The following TMPRSS6 variants were observed in gnomAD, a reference collection of about 807,000 sequenced individuals.
TMPRSS6 encodes transmembrane serine protease 6, also known as transmembrane protease serine 6.
Under a neutral mutation model 101.5 loss-of-function variants are expected in TMPRSS6, and 67 were observed. That is an observed-to-expected ratio of 0.66 (90% CI 0.54 to 0.81). The LOEUF is 0.81. TMPRSS6 is among the 30% of genes least tolerant of loss of function. TMPRSS6 has a pLI of 0.00. For synonymous variants in TMPRSS6, 453 were observed against 464.9 expected, an observed-to-expected ratio of 0.97 and a Z score of 0.33; for missense variants, 1,034 against 1,088.7, an observed-to-expected ratio of 0.95 and a Z score of 0.71.
intron 8 of TMPRSS6, 125 bp from the exon 9 acceptor site, chr22:37,084,964 G>T (rs757457304): frequency 2.5e-5 from 18 of 733,868 alleles, no homozygotes; most frequent in Admixed American, 2.4e-4. Flanking sequence ...GAATGTGATT[G>T]TGTGAATCTG....
chr22:37,070,375 TCCA>T, intron 15 of TMPRSS6, 106 bp downstream of exon 15: 2 of 1,426,406 alleles, frequency 1.4e-6, no homozygotes, highest in Non-Finnish European at 2.0e-6. Context: ...GTCTGGGGGG[TCCA>T]CCACCCTTCC....
chr22:37,070,824 AG>A, intron 14 of TMPRSS6, 91 bp downstream of exon 14: 2 of 1,391,214 alleles, frequency 1.4e-6, no homozygotes, highest in Non-Finnish European at 2.0e-6. Flanking sequence ...GAGAGAGACC[AG>A]GGGACAACAG....
Position 37,103,201 on chromosome 22 carries a change from G to C in TMPRSS6, c.202+15C>G. ...CCTCCCCAGGTGCCTCTCCCAGGCGGTCCCACAACGTTACCTAGGAAATAC... is the reference window on the plus strand; with the variant it reads ...CCTCCCCAGGTGCCTCTCCCAGGCGCTCCCACAACGTTACCTAGGAAATAC... On this transcript the variant is annotated intron_variant, in intron 2 of 17. Transcript: ENST00000676104. This position sits in a 1 kb window ranked among gnomAD's most constrained non-coding sequence, Gnocchi z 4.4. 3 of 1,613,584 alleles carry C rather than the reference G, an allele frequency of 1.9e-6. No individual in the cohort carries two copies. The highest frequency in any genetic ancestry group is 1.1e-5 in the South Asian group (1 of 91,086).
chr22:37,106,199 G>T (rs745750206), intron 1 of TMPRSS6, among the ~76,000 whole-genome samples: 1 of 152,098 alleles, frequency 6.6e-6, no homozygotes, highest in African/African-American at 2.4e-5. Flanking sequence ...CACACAGCTG[G>T]TCAGCAGCAC....
intron 16 of TMPRSS6, among the ~76,000 whole-genome samples, chr22:37,068,851 C>T (rs978914392): frequency 6.6e-6 from 1 of 152,240 alleles, no homozygotes. Flanking sequence ...TAACGCCCTT[C>T]CAGAAGGAAG....
chr22:37,096,112 G>C (rs886137328), intron 4 of TMPRSS6, 22 bp from the exon 5 acceptor site: 2 of 1,613,838 alleles, frequency 1.2e-6, no homozygotes, highest in Non-Finnish European at 1.7e-6. Flanking sequence ...AGAAGTGAGA[G>C]AGGCCAGGGA....
intron 1 of TMPRSS6, among the ~76,000 whole-genome samples, chr22:37,106,368 G>A (rs1930714571): frequency 6.6e-6 from 1 of 152,058 alleles, no homozygotes; most frequent in South Asian, 2.1e-4. Context: ...CTCATGGTGG[G>A]GTGCTTGGTG....
At chr22:37,090,211 T>C (rs1929145318) in intron 6 of TMPRSS6, among the ~76,000 whole-genome samples, 1 of 152,116 alleles carries the variant, frequency 6.6e-6, no homozygotes, top group Admixed American at 6.5e-5. Context: ...TTGAGAAAAG[T>C]ACACACAGGG....
chr22:37,094,476 CAGAT>C (rs1380109887), intron 6 of TMPRSS6, among the ~76,000 whole-genome samples: 10 of 151,486 alleles, frequency 6.6e-5, no homozygotes, highest in South Asian at 4.2e-4. Flanking sequence ...GAGAGACAGA[CAGAT>C]AGATAATAGA....
chr22:37,086,314 G>A lies in TMPRSS6; in HGVS notation c.942C>T (p.Phe314=), dbSNP rs772323333. The A allele has an allele frequency of 4.3e-6, 7 of 1,614,136 alleles. No individual in the cohort carries two copies. Among genetic ancestry groups the A allele is most frequent in the East Asian group, 4.5e-5 (2 of 44,870 alleles). Reference sequence around the variant, plus strand: ...AGACCACCGGCTGCACGGAGAGCACGAAGGGGTCGTAGTAGCTGTGCAGGC... The same window carrying A: ...AGACCACCGGCTGCACGGAGAGCACAAAGGGGTCGTAGTAGCTGTGCAGGC... ...KKGLHSYYDP[F]VLSVQPVVFQ... Residue 314 remains phenylalanine (F), a synonymous_variant, in exon 8 of 18, where the codon TTC becomes TTT. Transcript: ENST00000676104.
chr22:37,105,063 C>G (rs575899702), intron 1 of TMPRSS6, among the ~76,000 whole-genome samples: 1 of 152,144 alleles, frequency 6.6e-6, no homozygotes, highest in Non-Finnish European at 1.5e-5. Context: ...TTTCCAAAAA[C>G]GGGGCTCTTT....
At chr22:37,095,757 A>G in intron 5 of TMPRSS6, 149 bp downstream of exon 5, 2 of 1,221,270 alleles carry the variant, frequency 1.6e-6, no homozygotes, top group Non-Finnish European at 2.3e-6. Context: ...CTTGAATGCA[A>G]TGGCACTGCT....
At chr22:37,107,641 C>A (rs1160387067) in intron 1 of TMPRSS6, among the ~76,000 whole-genome samples, 1 of 152,162 alleles carries the variant, frequency 6.6e-6, no homozygotes, top group Non-Finnish European at 1.5e-5. Context: ...CCTCGCACGG[C>A]TTCCATCCAC....
At chr22:37,108,613 T>G (rs1004863294) in intron 1 of TMPRSS6, among the ~76,000 whole-genome samples, 8 of 152,190 alleles carry the variant, frequency 5.3e-5, no homozygotes, top group African/African-American at 1.9e-4. Context: ...GCAATGCAGA[T>G]CCGGATTCAA....
chr22:37,103,137 C>CAG lies in TMPRSS6; in HGVS notation c.202+77_202+78dup, dbSNP rs1224731799. On this transcript the variant is annotated intron_variant, in intron 2 of 17. Coordinates refer to ENST00000676104, the MANE Select transcript of TMPRSS6 (RefSeq NM_001374504.1). This position sits in a 1 kb window ranked among gnomAD's most constrained non-coding sequence, Gnocchi z 4.4. Reference sequence around the variant, plus strand: ...GCTAAGCACGGCTGAGCCTGGAACCCAGTCCTGTCCTGCTGTGCCTGCTAC... The same window carrying CAG: ...GCTAAGCACGGCTGAGCCTGGAACCCAGAGTCCTGTCCTGCTGTGCCTGCTAC... 5.4e-6 allele frequency: 8 copies of CAG among 1,478,598 alleles called. No homozygotes were observed. The highest frequency in any genetic ancestry group is 7.5e-6 in the Non-Finnish European group (8 of 1,064,818). The allele number at this position is 1,478,598 out of a possible 1,614,324, so 91.6% of individuals were successfully genotyped here.
At position 37,086,770 on chromosome 22, in the gene TMPRSS6, G is replaced by C. The variant is rs543806814; in HGVS notation, c.837-351C>G. Among the ~76,000 whole-genome samples the C allele has an allele frequency of 2.0e-5, 3 of 152,006 alleles. No homozygotes were observed. In the East Asian group the frequency reaches 5.8e-4, roughly 29 times the overall value. On this transcript the variant is annotated intron_variant, in intron 7 of 17. Coordinates refer to ENST00000676104, the MANE Select transcript of TMPRSS6 (RefSeq NM_001374504.1). Reference sequence around the variant, plus strand: ...TACAGAATCATCTGTGACCCCTAGCGTCCCTGGCAGGAAGACTAGACTGGC... The same window carrying C: ...TACAGAATCATCTGTGACCCCTAGCCTCCCTGGCAGGAAGACTAGACTGGC...
chr22:37,085,790 T>C (rs1353227908), intron 8 of TMPRSS6, among the ~76,000 whole-genome samples: 1 of 152,088 alleles, frequency 6.6e-6, no homozygotes, highest in Non-Finnish European at 1.5e-5. Context: ...CCAAGCTCCC[T>C]GCGCCCTCTT....
In TMPRSS6 at chr22:37,096,498, G is replaced by A. The variant is rs1929774474; in HGVS notation, c.404+150C>T. The A allele has an allele frequency of 7.2e-6, 6 of 834,108 alleles. No individual in the cohort carries two copies. In the South Asian group the frequency reaches 8.7e-5, roughly 12 times the overall value. 51.7% of individuals were successfully genotyped at this position (834,108 alleles called of 1,614,324 possible). On this transcript the variant is annotated intron_variant, in intron 4 of 17. Transcript: ENST00000676104. Reference sequence around the variant, plus strand: ...TCTACAGATGAGCCCAGTGAAGGGAGGGTGACATGCAGGAAGCCAAGTTCC... The same window carrying A: ...TCTACAGATGAGCCCAGTGAAGGGAAGGTGACATGCAGGAAGCCAAGTTCC...
intron 10 of TMPRSS6, among the ~76,000 whole-genome samples, chr22:37,077,618 C>CT (rs1927786649): frequency 6.6e-6 from 1 of 152,168 alleles, no homozygotes; most frequent in African/African-American, 2.4e-5. Flanking sequence ...AAGGTCCCGC[C>CT]TGTAGTCTGT....
Sources: gnomAD v4.1 joint callset for allele counts (sites outside exome capture counted in the v4.1 genomes callset) on GRCh38, gnomAD v4.1.1 for gene constraint, Gnocchi (gnomAD v3.1) non-coding constraint, MANE v1.5 for transcripts, NCBI Gene and HGNC (gene_info 2026-07-23, HGNC 2026-07-21) for gene names.